MROH1: variants seen among roughly 807,000 people sequenced by gnomAD.
MROH1 encodes the protein maestro heat-like repeat-containing protein family member 1.
In MROH1, 117 loss-of-function variants were observed where a neutral mutation model predicts 116.5. The observed-to-expected ratio is 1.00, with a 90% CI of 0.86 to 1.17. MROH1 has a LOEUF of 1.17. Ranked by LOEUF, MROH1 falls within the 50% of genes most tolerant of loss-of-function variation. The pLI is 0.00. For synonymous variants in MROH1, 921 were observed against 583.9 expected (o/e 1.58, Z -8.32); for missense variants, 1,873 against 1,338.5 (o/e 1.40, Z -6.23).
intron 14 of MROH1, among the ~76,000 whole-genome samples, chr8:144,233,520 G>C (rs1839388393): frequency 2.8e-5 from 4 of 144,200 alleles, no homozygotes. Flanking sequence ...CTCTCCCGCA[G>C]CTCCTGCACC....
intron 43 of MROH1, 115 bp from the exon 44 acceptor site, chr8:144,261,540 C>A: frequency 1.4e-6 from 1 of 689,986 alleles, no homozygotes; most frequent in African/African-American, 1.8e-5. Context: ...GAAAAACGAT[C>A]TTTCCGTTGG....
intron 1 of MROH1, among the ~76,000 whole-genome samples, chr8:144,156,778 TTC>T (rs1364390517): frequency 5.6e-5 from 3 of 53,386 alleles, no homozygotes; most frequent in Non-Finnish European, 1.0e-4. Context: ...GTAGTTTAAT[TTC>T]TTTTTTTTTT....
At chr8:144,248,036 C>T (rs985867622) in intron 31 of MROH1, among the ~76,000 whole-genome samples, 9 of 152,366 alleles carry the variant, frequency 5.9e-5, no homozygotes, top group Admixed American at 2.0e-4. Flanking sequence ...GAATCTTCAG[C>T]GGCTGCCCTG....
intron 4 of MROH1, among the ~76,000 whole-genome samples, chr8:144,177,178 GT>G (rs1171063090): frequency 2.0e-5 from 3 of 152,234 alleles, no homozygotes; most frequent in East Asian, 1.9e-4. Context: ...TTTGTAACTG[GT>G]TTCGCAGAGT....
At chr8:144,234,317 T>C (rs1170801824) in intron 14 of MROH1, among the ~76,000 whole-genome samples, 5 of 152,008 alleles carry the variant, frequency 3.3e-5, no homozygotes, top group African/African-American at 9.7e-5. Context: ...TGTAGTTCCA[T>C]TTTAACAATA....
In MROH1 at chr8:144,206,675, C is replaced by T. The variant is rs1026545880; in HGVS notation, c.1141+6134C>T. Among the ~76,000 whole-genome samples the T allele has an allele frequency of 4.0e-5, 6 of 151,410 alleles. No homozygotes were observed. The East Asian group carries it at 1.0e-3, about 25-fold the overall frequency. ...TGGACCTCAGGTGATCCACCCGCCTCGGTCTCCCAAAGTGCTGGGATTATA... is the reference window on the plus strand; with the variant it reads ...TGGACCTCAGGTGATCCACCCGCCTTGGTCTCCCAAAGTGCTGGGATTATA... On this transcript the variant is annotated intron_variant, in intron 12 of 43. Transcript: ENST00000326134.
At chr8:144,166,175 G>C (rs114555288) in intron 3 of MROH1, among the ~76,000 whole-genome samples, 4 of 152,160 alleles carry the variant, frequency 2.6e-5, no homozygotes, top group African/African-American at 9.7e-5. Context: ...CACTGCGCCC[G>C]ACCCCATCAA....
intron 3 of MROH1, among the ~76,000 whole-genome samples, chr8:144,167,698 A>G (rs866434131): frequency 9.2e-5 from 14 of 152,146 alleles, no homozygotes; most frequent in South Asian, 6.2e-4. Context: ...CATTTATTCA[A>G]TGATTTTCTT....
rs1042653471 is a variant in MROH1 at position 144,243,585 on chromosome 8, C to T, written c.2444C>T (p.Thr815Ile). The T allele has an allele frequency of 2.1e-5, 16 of 780,136 alleles. No homozygotes were observed. Among genetic ancestry groups the T allele is most frequent in the Non-Finnish European group, 3.8e-5 (16 of 417,838 alleles). 48.3% of individuals were successfully genotyped at this position (780,136 alleles called of 1,614,324 possible). ...SSTQAGSFHF[T>I]RKAELVAQMM... ...ACCCAGGCTGGCTCCTTCCACTTCACCCGGAAAGCAGAGCTGGTGGCACAG... is the reference window on the plus strand; with the variant it reads ...ACCCAGGCTGGCTCCTTCCACTTCATCCGGAAAGCAGAGCTGGTGGCACAG... The change falls in exon 25 of 44, where the codon ACC becomes ATC. Residue 815 changes from threonine to isoleucine, a missense_variant. By Grantham distance (89) the Thr-to-Ile change is moderately conservative. Coordinates refer to ENST00000326134, the MANE Select transcript of MROH1 (RefSeq NM_032450.3).
intron 1 of MROH1, among the ~76,000 whole-genome samples, chr8:144,156,376 G>A (rs6984982): frequency 6.6e-6 from 1 of 151,800 alleles, no homozygotes; most frequent in Non-Finnish European, 1.5e-5. Context: ...CATTTATTGA[G>A]ATGATCGTGA....
At chr8:144,172,798 G>C (rs560647852) in intron 4 of MROH1, among the ~76,000 whole-genome samples, 153 of 152,192 alleles carry the variant, frequency 1.0e-3, no homozygotes, top group Non-Finnish European at 1.7e-3. Context: ...CACATTTCTA[G>C]GCTGAACTAG....
intron 14 of MROH1, among the ~76,000 whole-genome samples, chr8:144,227,364 A>G (rs1315530177): frequency 6.6e-6 from 1 of 152,204 alleles, no homozygotes; most frequent in Non-Finnish European, 1.5e-5. Flanking sequence ...GGCTGGGCGC[A>G]GTGGCTCATG....
In MROH1 at chr8:144,180,366, G is replaced by T. The variant is rs763135567; in HGVS notation, c.463+26G>T. On this transcript the variant is annotated intron_variant, in intron 6 of 43. Coordinates refer to ENST00000326134, the MANE Select transcript of MROH1 (RefSeq NM_032450.3). This position sits in a 1 kb window ranked among gnomAD's most constrained non-coding sequence, Gnocchi z 7.4. Reference sequence around the variant, plus strand: ...GTAGGTGACGCGCGGCCTGCCCCAGGAGGAGCACGGGGCGCTGGAAGCCTT... The same window carrying T: ...GTAGGTGACGCGCGGCCTGCCCCAGTAGGAGCACGGGGCGCTGGAAGCCTT... The T allele has an allele frequency of 3.1e-6, 5 of 1,608,684 alleles. No individual in the cohort carries two copies. In the East Asian group the frequency reaches 8.9e-5, roughly 29 times the overall value.
At chr8:144,165,746 ATTT>A (rs1201167849) in intron 3 of MROH1, among the ~76,000 whole-genome samples, 1 of 108,282 alleles carries the variant, frequency 9.2e-6, no homozygotes, top group Non-Finnish European at 2.0e-5. Flanking sequence ...TAATTTTTGT[ATTT>A]TTTTTTTTTT....
intron 10 of MROH1, among the ~76,000 whole-genome samples, chr8:144,193,587 ATTATTTATTCAT>A (rs1053454560): frequency 4.6e-5 from 7 of 152,050 alleles, no homozygotes; most frequent in Non-Finnish European, 1.0e-4. Context: ...ACTTTTATTT[ATTATTTATTCAT>A]TTATTTATTT....
chr8:144,199,149 C>T lies in MROH1; in HGVS notation c.976C>T (p.Pro326Ser), dbSNP rs1435746271. ...QICVPVESSSPLVMSNQKEVL... is the reference protein window; with the variant it reads ...QICVPVESSSSLVMSNQKEVL... ...CTGTGTGCCTGTGGAGTCCTCAAGC[C>T]CCCTGGTGATGAGTAACCAGAAGGA... Residue 326 changes from proline (P) to serine (S), a missense_variant, in exon 11 of 44, where the codon CCC becomes TCC. Transcript: ENST00000326134. 3 of 1,613,778 alleles carry T rather than the reference C, an allele frequency of 1.9e-6. No individual in the cohort carries two copies. The highest frequency in any genetic ancestry group is 2.5e-6 in the Non-Finnish European group (3 of 1,179,838).
chr8:144,247,489 G>A, intron 30 of MROH1, 53 bp downstream of exon 30: 2 of 763,204 alleles, frequency 2.6e-6, no homozygotes, highest in Non-Finnish European at 4.9e-6. Flanking sequence ...GGTGCTTGGA[G>A]GGATGAGGTG....
In MROH1 at chr8:144,148,065, G is replaced by C. The variant is rs1346495095; in HGVS notation, c.-188G>C. On this transcript the variant is annotated 5_prime_UTR_variant, in exon 1 of 44. Transcript: ENST00000326134. The stretch of plus-strand genomic sequence containing the variant: ...AGGCGGCGCCCCGGCCGAGGTGGCG[G>C]CGGCTCCTCAGGTAAACGGCGGGTG... The C allele has an allele frequency of 6.6e-6, 1 of 152,322 alleles. No homozygotes were observed. The highest frequency in any genetic ancestry group is 1.5e-5 in the Non-Finnish European group (1 of 68,130). 9.4% of individuals were successfully genotyped at this position (152,322 alleles called of 1,614,324 possible). A position where few individuals can be genotyped will look rare whatever the true frequency, so the allele number is the denominator to read the frequency against.
At chr8:144,256,518 G>A (rs958772455) in intron 35 of MROH1, among the ~76,000 whole-genome samples, 107 of 152,270 alleles carry the variant, frequency 7.0e-4, no homozygotes, top group Middle Eastern at 3.4e-3. Flanking sequence ...CAGTGGGGCC[G>A]GCTGCCAGCG....
Sources: gnomAD v4.1 joint callset for allele counts (sites outside exome capture counted in the v4.1 genomes callset) on GRCh38, gnomAD v4.1.1 for gene constraint, Gnocchi (gnomAD v3.1) non-coding constraint, MANE v1.5 for transcripts, NCBI Gene and HGNC (gene_info 2026-07-23, HGNC 2026-07-21) for gene names.